The following TMEM50B variants were observed in gnomAD, a reference collection of about 807,000 sequenced individuals.
TMEM50B encodes the protein HCV p7-trans-regulated protein 3.
TMEM50B carries 14 observed loss-of-function variants against 23.4 expected under a neutral mutation model. That is an observed-to-expected ratio of 0.60 (90% CI 0.39 to 0.93). TMEM50B has a LOEUF of 0.93. Among genes scored for constraint, TMEM50B ranks in the 40% least tolerant of loss-of-function variants. The pLI is 0.00. For missense variants in TMEM50B, 159 were observed against 193.0 expected (o/e 0.82, Z 1.04); for synonymous variants, 64 against 62.3 (o/e 1.03, Z -0.13).
At chr21:33,471,811 G>A (rs1018684945) in intron 1 of TMEM50B, among the ~76,000 whole-genome samples, 7 of 152,008 alleles carry the variant, frequency 4.6e-5, no homozygotes, top group African/African-American at 7.2e-5. Context: ...CGAGGCAGGC[G>A]GATCACGAGG....
downstream of TMEM50B, among the ~76,000 whole-genome samples, chr21:33,444,804 A>C (rs1202929149): frequency 1.3e-4 from 2 of 14,986 alleles, no homozygotes; most frequent in Non-Finnish European, 2.3e-4. Context: ...ATCTCTTTAC[A>C]AAAAAAAAAA....
At chr21:33,465,525 A>G (rs1270869317) in intron 3 of TMEM50B, 116 bp from the exon 4 acceptor site, 4 of 708,726 alleles carry the variant, frequency 5.6e-6, no homozygotes, top group Admixed American at 3.3e-5. Context: ...CAGTATCTGA[A>G]TAATTTAACA....
Position 33,449,683 on chromosome 21 carries a change from A to C in TMEM50B, c.*1135T>G, listed in dbSNP as rs1215639917. 7 of 152,432 alleles carry C rather than the reference A, an allele frequency of 4.6e-5. No individual in the cohort carries two copies. In the South Asian group the frequency reaches 6.2e-4, roughly 14 times the overall value. 9.4% of individuals were successfully genotyped at this position (152,432 alleles called of 1,614,324 possible). A position where few individuals can be genotyped will look rare whatever the true frequency, so the allele number is the denominator to read the frequency against. On this transcript the variant is annotated 3_prime_UTR_variant, in exon 7 of 7. Coordinates refer to ENST00000542230, the MANE Select transcript of TMEM50B (RefSeq NM_006134.7). ...TAGATGAAATGCATAATTTTTCACT[A>C]GGTGATAATTCCCTTTGGGAAGAAG... is the stretch of plus-strand genomic sequence containing the variant.
rs544582100 is a variant in TMEM50B at position 33,449,338 on chromosome 21, T to G, written c.*1480A>C. 2 of 150,402 alleles carry G rather than the reference T, an allele frequency of 1.3e-5. No individual in the cohort carries two copies. Among genetic ancestry groups the G allele is most frequent in the African/African-American group, 4.8e-5 (2 of 41,418 alleles). The allele number at this position is 150,402 out of a possible 1,614,324, so 9.3% of individuals were successfully genotyped here. A position where few individuals can be genotyped will look rare whatever the true frequency, so the allele number is the denominator to read the frequency against. On this transcript the variant is annotated 3_prime_UTR_variant, in exon 7 of 7. Coordinates refer to ENST00000542230, the MANE Select transcript of TMEM50B (RefSeq NM_006134.7). Reference sequence around the variant, plus strand: ...TTCATACTCTGTGCACAAGAAATCCTCTCAAGAGAGAGGAGAGGAGTGATG... The same window carrying G: ...TTCATACTCTGTGCACAAGAAATCCGCTCAAGAGAGAGGAGAGGAGTGATG...
At chr21:33,435,882 CAAAAA>C (rs35251279) in intron 8 of TMEM50B, among the ~76,000 whole-genome samples, 20 of 48,246 alleles carry the variant, frequency 4.1e-4, no homozygotes, top group African/African-American at 1.9e-3. Flanking sequence ...GACTCCGTCT[CAAAAA>C]AAAAAAAAAA....
chr21:33,461,916 A>C (rs971802806), intron 4 of TMEM50B, among the ~76,000 whole-genome samples: 2 of 152,194 alleles, frequency 1.3e-5, no homozygotes, highest in African/African-American at 4.8e-5. Flanking sequence ...TAAAGTAAGT[A>C]TGTCTGAGGG....
rs756323798 is a variant in TMEM50B, at chr21:33,465,342, C to G, written c.280G>C (p.Gly94Arg). The G allele has an allele frequency of 6.2e-7, 1 of 1,612,618 alleles. No homozygotes were observed. The highest frequency in any genetic ancestry group is 8.5e-7 in the Non-Finnish European group (1 of 1,179,270). ...CATTAACAGCTCAAAGTATCTTTAC[C>G]TGTTCTTCCTAAACAGCCGCTTTCA... The part of the protein sequence containing the change: ...SYESGCLGRT[G>R]ARVWLFIGFM... Residue 94 changes from glycine (G) to arginine (R), a missense_variant and splice_region_variant, in exon 4 of 7, where the codon GGT becomes CGT. Transcript: ENST00000542230.
intron 7 of TMEM50B, among the ~76,000 whole-genome samples, chr21:33,443,680 A>G (rs556684718): frequency 6.6e-6 from 1 of 152,316 alleles, no homozygotes; most frequent in East Asian, 1.9e-4. Context: ...AAGAATTTGA[A>G]TAAGGCACAA....
chr21:33,468,737 C>T (rs767234233), intron 2 of TMEM50B, 50 bp downstream of exon 2: 1 of 1,470,768 alleles, frequency 6.8e-7, no homozygotes, highest in African/African-American at 1.4e-5. Flanking sequence ...CATTAATTTC[C>T]AGGGCAAAAG....
At chr21:33,477,155 C>T (rs1462511854) in intron 1 of TMEM50B, among the ~76,000 whole-genome samples, 1 of 151,968 alleles carries the variant, frequency 6.6e-6, no homozygotes, top group Non-Finnish European at 1.5e-5. Context: ...AAAAATTAGG[C>T]ATGGTGGCAC....
At chr21:33,458,125 T>C (rs879685736) in intron 5 of TMEM50B, among the ~76,000 whole-genome samples, 6 of 152,216 alleles carry the variant, frequency 3.9e-5, no homozygotes, top group Non-Finnish European at 8.8e-5. Flanking sequence ...TGCTAATTTA[T>C]CTAAAGTTTT....
At chr21:33,477,404 G>C (rs959814747) in intron 1 of TMEM50B, among the ~76,000 whole-genome samples, 1 of 152,072 alleles carries the variant, frequency 6.6e-6, no homozygotes, top group Non-Finnish European at 1.5e-5. Context: ...ACCCTCCTAG[G>C]GAATGGAATT....
chr21:33,475,223 G>A (rs1039184641), intron 1 of TMEM50B, among the ~76,000 whole-genome samples: 1 of 152,030 alleles, frequency 6.6e-6, no homozygotes, highest in African/African-American at 2.4e-5. Context: ...CACTGCGGCT[G>A]GCCAAACATT....
chr21:33,471,972 C>G (rs554826435), intron 1 of TMEM50B, among the ~76,000 whole-genome samples: 1 of 148,300 alleles, frequency 6.7e-6, no homozygotes, highest in African/African-American at 2.5e-5. Flanking sequence ...GTAGAGCTTG[C>G]AGTGAGCCGA....
At position 33,432,892 on chromosome 21, in the gene TMEM50B, T is replaced by G. The variant is rs373845747; in HGVS notation, c.*2121-90A>C. On this transcript the variant is annotated intron_variant and NMD_transcript_variant, in intron 8 of 8. Transcript: ENST00000420455. ...AAGAGGTACGTGTGCACACATCTCT[T>G]TTTTTTTTTTTGAGACAGGGTCTTG... 1.1e-4 allele frequency: 156 copies of G among 1,423,608 alleles called. 2 individuals are homozygous for G. In the African/African-American group the frequency reaches 1.8e-3, roughly 17 times the overall value. The allele number at this position is 1,423,608 out of a possible 1,614,324, so 88.2% of individuals were successfully genotyped here.
At chr21:33,432,763 G>T in exon 9 of TMEM50B, 1 of 1,614,048 alleles carries the variant, frequency 6.2e-7, no homozygotes, top group Non-Finnish European at 8.5e-7. Flanking sequence ...GAACATTTTC[G>T]TTGCTGTCGG....
chr21:33,447,711 CACACACACATAT>C (rs750714781), downstream of TMEM50B, among the ~76,000 whole-genome samples: 2,785 of 111,670 alleles, frequency 0.025, 32 homozygotes, highest in Non-Finnish European at 0.027. Flanking sequence ...CACACACACA[CACACACACATAT>C]ATATATATAC....
At chr21:33,432,931 G>A in intron 8 of TMEM50B, 2 of 1,403,804 alleles carry the variant, frequency 1.4e-6, no homozygotes, top group Non-Finnish European at 2.0e-6. Flanking sequence ...TGTTGCCCAG[G>A]CGGGAGTGTC....
chr21:33,447,237 C>T (rs1168391526), downstream of TMEM50B: 1 of 151,828 alleles, frequency 6.6e-6, no homozygotes, highest in Non-Finnish European at 1.5e-5. Flanking sequence ...ACACACACAC[C>T]TTTTCTCAGG....
Sources: allele counts gnomAD v4.1 joint callset (sites outside exome capture counted in the v4.1 genomes callset), GRCh38; gene constraint gnomAD v4.1.1; transcripts MANE v1.5; gene names NCBI Gene and HGNC (gene_info 2026-07-23, HGNC 2026-07-21).